Variants in SGSM3 observed in about 807,000 individuals in gnomAD.
SGSM3 encodes the protein RUN and SH3 containing 3.
SGSM3 carries 96 observed loss-of-function variants against 100.5 expected under a neutral mutation model. The ratio of observed to expected loss-of-function variants is 0.96; its 90% CI spans 0.81 to 1.13. SGSM3 has a LOEUF of 1.13. Ranked by LOEUF, SGSM3 falls within the 50% of genes most tolerant of loss-of-function variation. The pLI, the probability that SGSM3 is intolerant of heterozygous loss-of-function variation, is 0.00. For synonymous variants in SGSM3, 483 were observed against 422.8 expected, an observed-to-expected ratio of 1.14 and a Z score of -1.75; for missense variants, 1,001 against 1,015.8, an observed-to-expected ratio of 0.99 and a Z score of 0.20.
At chr22:40,405,326 C>T (rs549270636) in intron 7 of SGSM3, 42 bp downstream of exon 7, 3 of 1,430,014 alleles carry the variant, frequency 2.1e-6, no homozygotes, top group African/African-American at 1.5e-5. Flanking sequence ...CCCCAGGACC[C>T]CCTCCAGGAC....
Position 40,405,290 on chromosome 22 carries a change from C to T in SGSM3, c.618+6C>T. On this transcript the variant is annotated splice_donor_region_variant and intron_variant, in intron 7 of 21. Coordinates refer to ENST00000248929, the MANE Select transcript of SGSM3 (RefSeq NM_015705.6). ...ACTGCCAGGGCACCGGCATGGTGAG[C>T]ACAGCCCCAGAAAGGGCAGTGGCAG... 2 of 1,496,254 alleles carry T rather than the reference C, an allele frequency of 1.3e-6. No individual in the cohort carries two copies. The highest frequency in any genetic ancestry group is 2.3e-5 in the Admixed American group (1 of 43,216). The allele number at this position is 1,496,254 out of a possible 1,614,324, so 92.7% of individuals were successfully genotyped here. A position where few individuals can be genotyped will look rare whatever the true frequency, so the allele number is the denominator to read the frequency against.
intron 1 of SGSM3, among the ~76,000 whole-genome samples, chr22:40,376,924 T>C (rs2046730300): frequency 1.3e-5 from 2 of 152,228 alleles, no homozygotes; most frequent in African/African-American, 4.8e-5. Context: ...TGCACACATT[T>C]TCTTTGATTG....
In SGSM3 at chr22:40,408,138, G is replaced by T; in HGVS notation, c.1629+18G>T. 6.7e-7 allele frequency: 1 copy of T among 1,482,924 alleles called. No individual in the cohort carries two copies. The allele number at this position is 1,482,924 out of a possible 1,614,324, so 91.9% of individuals were successfully genotyped here. On this transcript the variant is annotated intron_variant, in intron 15 of 21. Coordinates refer to ENST00000248929, the MANE Select transcript of SGSM3 (RefSeq NM_015705.6). ...GCAAAGAGGTGAGGGGGGTGGGCGG[G>T]CTAGGCACGGCTGGCACCCTTCTAG...
intron 1 of SGSM3, among the ~76,000 whole-genome samples, chr22:40,392,814 G>A (rs1399726510): frequency 6.6e-6 from 1 of 152,092 alleles, no homozygotes; most frequent in East Asian, 1.9e-4. Context: ...AGAAAACTCC[G>A]TTACTCATTA....
chr22:40,377,457 ATAACT>A (rs1442134851), intron 1 of SGSM3, among the ~76,000 whole-genome samples: 4 of 152,134 alleles, frequency 2.6e-5, no homozygotes, highest in Non-Finnish European at 5.9e-5. Context: ...CCTGTCTTTC[ATAACT>A]TAAGTTACCC....
At chr22:40,375,205 T>G (rs892556738) in intron 1 of SGSM3, among the ~76,000 whole-genome samples, 1 of 152,236 alleles carries the variant, frequency 6.6e-6, no homozygotes, top group Non-Finnish European at 1.5e-5. Flanking sequence ...TTCTCTCTAC[T>G]AATGATGTAA....
At chr22:40,378,548 G>A (rs934648965) in intron 1 of SGSM3, among the ~76,000 whole-genome samples, 4 of 151,714 alleles carry the variant, frequency 2.6e-5, no homozygotes, top group Admixed American at 2.0e-4. Flanking sequence ...GGCCTACATG[G>A]CGAAACCCCA....
At position 40,408,120 on chromosome 22, in the gene SGSM3, G is replaced by T. The variant is rs1338918903; in HGVS notation, c.1629G>T (p.Glu543Asp). The change falls in exon 15 of 22, where the codon GAG becomes GAT. Residue 543 changes from glutamate to aspartate, a missense_variant and splice_region_variant. Glu to Asp is a conservative substitution (Grantham distance 45). Coordinates refer to ENST00000248929, the MANE Select transcript of SGSM3 (RefSeq NM_015705.6). ...AAGTCCTGGATGAGCGCAGCAAAGA[G>T]GTGAGGGGGGTGGGCGGGCTAGGCA... ...FVEVLDERSK[E>D]YSIAGDDSVT... is the part of the protein sequence containing the mutation. 6.2e-7 allele frequency: 1 copy of T among 1,612,786 alleles called. No individual in the cohort carries two copies.
intron 6 of SGSM3, 49 bp downstream of exon 6, chr22:40,404,713 G>GCGAGCC: frequency 7.4e-7 from 1 of 1,342,926 alleles, no homozygotes; most frequent in Non-Finnish European, 1.1e-6. Context: ...GTGTGGGCTC[G>GCGAGCC]CAGGAGAGAG....
chr22:40,406,239 A>G lies in SGSM3; in HGVS notation c.960+16A>G. 1.2e-6 allele frequency: 2 copies of G among 1,613,228 alleles called. No homozygotes were observed. The highest frequency in any genetic ancestry group is 1.7e-4 in the Middle Eastern group (1 of 6,016). ...GCACCTCAAGGTGCTCCACGGCCCCACTTCAGGCTGAGGAGTAGGCACCCG... is the reference window on the plus strand; with the variant it reads ...GCACCTCAAGGTGCTCCACGGCCCCGCTTCAGGCTGAGGAGTAGGCACCCG... On this transcript the variant is annotated intron_variant, in intron 9 of 21. Transcript: ENST00000248929.
At position 40,380,795 on chromosome 22, in the gene SGSM3, C is replaced by T. The variant is rs895520947; in HGVS notation, c.-112+10107C>T. ...CAACAGTAACAAAAAATTAGCAGGG[C>T]GTGGTGGTGTGTGCCTGTAGTCCTA... is the stretch of plus-strand genomic sequence containing the variant. On this transcript the variant is annotated intron_variant, in intron 1 of 21. Coordinates refer to ENST00000248929, the MANE Select transcript of SGSM3 (RefSeq NM_015705.6). 5.3e-5 allele frequency among the ~76,000 whole-genome samples: 8 copies of T among 152,110 alleles called. 1 individual carries two copies. Among genetic ancestry groups the T allele is most frequent in the South Asian group, 4.2e-4 (2 of 4,806 alleles).
chr22:40,406,021 CG>C, intron 8 of SGSM3, 56 bp from the exon 9 acceptor site: 1 of 1,590,302 alleles, frequency 6.3e-7, no homozygotes, highest in Non-Finnish European at 8.6e-7. Flanking sequence ...GCTGCAGTTC[CG>C]GGGAGGGAGG....
chr22:40,403,855 A>AC (rs1249013745), intron 4 of SGSM3, among the ~76,000 whole-genome samples: 2 of 152,146 alleles, frequency 1.3e-5, no homozygotes, highest in Non-Finnish European at 2.9e-5. Flanking sequence ...CATGGCTTGG[A>AC]CAAGGGCCAT....
rs747853803 is a variant in SGSM3 at position 40,405,210 on chromosome 22, C to A, written c.544C>A (p.Pro182Thr). 6 of 1,586,644 alleles carry A rather than the reference C, an allele frequency of 3.8e-6. No individual in the cohort carries two copies. In the African/African-American group the frequency reaches 8.1e-5, roughly 22 times the overall value. ...CFASMGSIGVPRLRRVLRALA... is the reference protein window; with the variant it reads ...CFASMGSIGVTRLRRVLRALA... ...CGCCAGCATGGGTAGCATCGGGGTG[C>A]CCCGCCTGCGCAGGGTGCTCCGGGC... Residue 182 changes from proline to threonine, a missense_variant, in exon 7 of 22, where the codon CCC becomes ACC. Physicochemically the swap from Pro to Thr is conservative, Grantham distance 38 (BLOSUM62 -1). Coordinates refer to ENST00000248929, the MANE Select transcript of SGSM3 (RefSeq NM_015705.6).
chr22:40,374,480 T>G (rs1222027003), intron 1 of SGSM3, among the ~76,000 whole-genome samples: 3 of 152,240 alleles, frequency 2.0e-5, no homozygotes, highest in Admixed American at 6.5e-5. Flanking sequence ...AGCTACAATT[T>G]CTTCTTTGTA....
At chr22:40,395,861 AGCCTCATTCTCC>A (rs1940856509) in intron 1 of SGSM3, among the ~76,000 whole-genome samples, 1 of 152,110 alleles carries the variant, frequency 6.6e-6, no homozygotes, top group Admixed American at 6.6e-5. Context: ...CTGTCACTTC[AGCCTCATTCTCC>A]GTAATCTTTC....
intron 1 of SGSM3, chr22:40,373,621 G>GTTTTT (rs2045981225): frequency 6.6e-6 from 1 of 151,954 alleles, no homozygotes; most frequent in East Asian, 1.9e-4. Context: ...TTTTGTTTTT[G>GTTTTT]TTTTTGTTTT....
chr22:40,396,664 A>G (rs2050094790), intron 1 of SGSM3, among the ~76,000 whole-genome samples: 1 of 152,044 alleles, frequency 6.6e-6, no homozygotes, highest in Non-Finnish European at 1.5e-5. Context: ...TCCATGGTAA[A>G]TGTCTGTAGA....
rs750869252 is a variant in SGSM3, at chr22:40,408,257, A to G, written c.1630-20A>G. ...TGCAGGCGTCAGGCAGGGCTTTCTC[A>G]GACCCATCCCTCCCATCAGTACTCC... On this transcript the variant is annotated intron_variant, in intron 15 of 21. Coordinates refer to ENST00000248929, the MANE Select transcript of SGSM3 (RefSeq NM_015705.6). The G allele has an allele frequency of 9.3e-6, 15 of 1,612,310 alleles. No homozygotes were observed. The highest frequency in any genetic ancestry group is 1.3e-5 in the Non-Finnish European group (15 of 1,179,088).
Sources: allele counts gnomAD v4.1 joint callset (sites outside exome capture counted in the v4.1 genomes callset), GRCh38; gene constraint gnomAD v4.1.1; transcripts MANE v1.5; gene names NCBI Gene and HGNC (gene_info 2026-07-23, HGNC 2026-07-21).